LRBA: variants seen among roughly 807,000 people sequenced by gnomAD.
LRBA encodes lipopolysaccharide-responsive and beige-like anchor protein.
A neutral mutation model predicts 330.0 loss-of-function variants in LRBA; 176 were observed. The observed-to-expected ratio is 0.53, with a 90% CI of 0.47 to 0.60. The LOEUF (loss-of-function observed/expected upper bound fraction) is 0.60, where lower values mean the gene tolerates loss of function less well. Ranked by LOEUF, LRBA falls within the 20% of genes least tolerant of loss-of-function variation. The probability of loss-of-function intolerance (pLI) is 0.00; values close to 1 mark genes in which losing one functional copy is unlikely to be tolerated. For synonymous variants in LRBA, 1,230 were observed against 1,193.0 expected, an observed-to-expected ratio of 1.03 and a Z score of -0.64; for missense variants, 3,259 against 3,444.8, an observed-to-expected ratio of 0.95 and a Z score of 1.35.
intron 2 of LRBA, among the ~76,000 whole-genome samples, chr4:150,964,251 G>GC (rs1300165225): frequency 1.4e-5 from 2 of 146,214 alleles, no homozygotes; most frequent in Non-Finnish European, 3.0e-5. Context: ...AGATGGGGGG[G>GC]CCCCTCTGCC....
At chr4:150,647,474 T>A (rs975354049) in intron 37 of LRBA, among the ~76,000 whole-genome samples, 3 of 144,772 alleles carry the variant, frequency 2.1e-5, no homozygotes, top group Non-Finnish European at 4.5e-5. Flanking sequence ...TCCTCCTACC[T>A]CAGCCTCTGT....
intron 53 of LRBA, among the ~76,000 whole-genome samples, chr4:150,299,924 G>A (rs1729444481): frequency 6.6e-6 from 1 of 151,954 alleles, no homozygotes; most frequent in Non-Finnish European, 1.5e-5. Context: ...GTATCTAAGA[G>A]GTACAATATA....
chr4:150,608,463 C>A (rs1356430043), intron 37 of LRBA, among the ~76,000 whole-genome samples: 1 of 151,988 alleles, frequency 6.6e-6, no homozygotes, highest in African/African-American at 2.4e-5. Flanking sequence ...TAGAACGGTG[C>A]CAAAAAAGAC....
At chr4:150,776,457 T>C (rs1033075959) in intron 34 of LRBA, among the ~76,000 whole-genome samples, 19 of 152,210 alleles carry the variant, frequency 1.2e-4, no homozygotes, top group South Asian at 2.1e-4. Context: ...CTATTGTTTA[T>C]CTGTTTCGTA....
intron 40 of LRBA, among the ~76,000 whole-genome samples, chr4:150,518,173 T>C (rs1762559659): frequency 6.6e-6 from 1 of 152,168 alleles, no homozygotes. Context: ...TTGGGACGAT[T>C]AGTAAGTAAA....
chr4:150,310,456 G>A, intron 51 of LRBA, 72 bp from the exon 52 acceptor site: 5 of 965,476 alleles, frequency 5.2e-6, no homozygotes, highest in Non-Finnish European at 7.9e-6. Context: ...AGGGAGAAGA[G>A]GAGACACATT....
At chr4:150,746,848 C>T (rs1297321490) in intron 35 of LRBA, among the ~76,000 whole-genome samples, 1 of 152,088 alleles carries the variant, frequency 6.6e-6, no homozygotes. Flanking sequence ...CGGTGCCCTT[C>T]ACTGGAAACT....
At chr4:150,644,776 T>C (rs999072627) in intron 37 of LRBA, among the ~76,000 whole-genome samples, 6 of 151,814 alleles carry the variant, frequency 4.0e-5, no homozygotes, top group African/African-American at 1.4e-4. Context: ...AAAACAAAAA[T>C]TTAGTACCAT....
intron 18 of LRBA, among the ~76,000 whole-genome samples, chr4:150,871,691 G>T (rs1240043665): frequency 6.6e-6 from 1 of 151,466 alleles, no homozygotes; most frequent in Non-Finnish European, 1.5e-5. Flanking sequence ...AGACAAGTGT[G>T]CCTATGCTAC....
At chr4:150,332,168 T>C (rs1734081333) in intron 48 of LRBA, among the ~76,000 whole-genome samples, 1 of 152,190 alleles carries the variant, frequency 6.6e-6, no homozygotes, top group Non-Finnish European at 1.5e-5. Flanking sequence ...TGAATAGTTA[T>C]CTAGCCCCAA....
At chr4:150,635,561 G>A (rs1561451071) in intron 37 of LRBA, among the ~76,000 whole-genome samples, 1 of 152,056 alleles carries the variant, frequency 6.6e-6, no homozygotes, top group Admixed American at 6.6e-5. Context: ...TGTTGTATAT[G>A]AACTTGTTAA....
intron 47 of LRBA, among the ~76,000 whole-genome samples, chr4:150,377,924 T>C (rs1741603249): frequency 6.8e-6 from 1 of 146,512 alleles, no homozygotes; most frequent in Non-Finnish European, 1.5e-5. Flanking sequence ...TGAGCGGAGA[T>C]CATGCCACTG....
chr4:150,606,427 A>C (rs1164654514), intron 37 of LRBA, among the ~76,000 whole-genome samples: 1 of 152,148 alleles, frequency 6.6e-6, no homozygotes, highest in Non-Finnish European at 1.5e-5. Flanking sequence ...TTCACCAAAC[A>C]CTTGTTGAGT....
chr4:150,417,817 C>G (rs562046400), intron 46 of LRBA, among the ~76,000 whole-genome samples: 2 of 152,142 alleles, frequency 1.3e-5, no homozygotes, highest in South Asian at 2.1e-4. Context: ...TTTGAGGAAG[C>G]AGAATGGAAC....
rs541082080 is a variant in LRBA, at chr4:150,835,748, C to G, written c.4570-3772G>C. On this transcript the variant is annotated intron_variant, in intron 28 of 56. Coordinates refer to ENST00000651943, the MANE Select transcript of LRBA (RefSeq NM_001364905.1). Reference sequence around the variant, plus strand: ...AATATACAATCATGTCATCTGCAAACAGGGACAATTTGACTTCCTCTTTTC... The same window carrying G: ...AATATACAATCATGTCATCTGCAAAGAGGGACAATTTGACTTCCTCTTTTC... Among the ~76,000 whole-genome samples, 10 of 152,274 alleles carry G rather than the reference C, an allele frequency of 6.6e-5. No individual in the cohort carries two copies. The East Asian group carries it at 1.9e-3, about 29-fold the overall frequency.
intron 40 of LRBA, among the ~76,000 whole-genome samples, chr4:150,500,184 G>A (rs1760082212): frequency 6.6e-6 from 1 of 151,796 alleles, no homozygotes; most frequent in Non-Finnish European, 1.5e-5. Context: ...TATACATTAT[G>A]TGTATACAAC....
intron 37 of LRBA, among the ~76,000 whole-genome samples, 164 bp from the exon 38 acceptor site, chr4:150,599,295 G>A (rs566441243): frequency 6.6e-6 from 1 of 152,090 alleles, no homozygotes; most frequent in East Asian, 1.9e-4. Context: ...CTTTAACTTA[G>A]GTATGTCCTT....
At chr4:150,962,784 T>C (rs767952710) in intron 2 of LRBA, among the ~76,000 whole-genome samples, 1 of 148,082 alleles carries the variant, frequency 6.8e-6, no homozygotes, top group African/African-American at 2.6e-5. Context: ...TAGAACCCTG[T>C]CTCTACTAAA....
intron 56 of LRBA, among the ~76,000 whole-genome samples, chr4:150,275,586 C>G (rs1746651332): frequency 6.6e-6 from 1 of 152,206 alleles, no homozygotes; most frequent in African/African-American, 2.4e-5. Context: ...AGCAAAGTCT[C>G]AGGATACAAA....
Sources: gnomAD v4.1 joint callset for allele counts (sites outside exome capture counted in the v4.1 genomes callset) on GRCh38, gnomAD v4.1.1 for gene constraint, MANE v1.5 for transcripts, NCBI Gene and HGNC (gene_info 2026-07-23, HGNC 2026-07-21) for gene names.